The following PIEZO1 variants were observed in gnomAD, a reference collection of about 807,000 sequenced individuals.
The protein encoded by PIEZO1 is piezo type mechanosensitive ion channel component 1 (Er blood group).
A neutral mutation model predicts 297.2 loss-of-function variants in PIEZO1; 296 were observed. The observed-to-expected ratio is 1.00, with a 90% confidence interval of 0.91 to 1.10. The LOEUF (loss-of-function observed/expected upper bound fraction) is 1.10, where lower values mean the gene tolerates loss of function less well. Among genes scored for constraint, PIEZO1 ranks in the 50% least tolerant of loss-of-function variants. PIEZO1 has a pLI of 0.00. For synonymous variants in PIEZO1, 2,427 were observed against 1,507.5 expected (o/e 1.61, Z -14.13); for missense variants, 5,018 against 3,455.5 (o/e 1.45, Z -11.34).
rs1193640325 is a variant in PIEZO1 at position 88,746,568 on chromosome 16, G to A, written c.160+2816C>T. Among the ~76,000 whole-genome samples, 4 of 152,174 alleles carry A rather than the reference G, an allele frequency of 2.6e-5. No individual in the cohort carries two copies. The South Asian group carries it at 8.3e-4, about 31-fold the overall frequency. Reference sequence around the variant, plus strand: ...GGACCAAGGCTCAGATGGCGTCAGAGCTTCCACCAGGGCCACGCCAAGCCC... The same window carrying A: ...GGACCAAGGCTCAGATGGCGTCAGAACTTCCACCAGGGCCACGCCAAGCCC... On this transcript the variant is annotated intron_variant, in intron 2 of 50. Coordinates refer to ENST00000301015, the MANE Select transcript of PIEZO1 (RefSeq NM_001142864.4).
chr16:88,784,783 A>C, intron 1 of PIEZO1, 118 bp downstream of exon 1: 6 of 694,268 alleles, frequency 8.6e-6, no homozygotes, highest in Admixed American at 4.7e-5. Flanking sequence ...GTCCCTGGGA[A>C]TTTCCGCGCC....
In PIEZO1 at chr16:88,735,137, G is replaced by C. The variant is rs1340503603; in HGVS notation, c.1667C>G (p.Thr556Arg). Residue 556 changes from threonine (T) to arginine (R), a missense_variant and splice_region_variant, in exon 13 of 51, where the codon ACA becomes AGA. Coordinates refer to ENST00000301015, the MANE Select transcript of PIEZO1 (RefSeq NM_001142864.4). The stretch of plus-strand genomic sequence containing the variant: ...CCCGCCTCTGGCCCACCACTCACCT[G>C]TGTCTGCCACGGTGACCTCCGTCAG... Reference protein sequence around the residue: ...AALTEVTVADTEPTRTQTLLQ... With the variant: ...AALTEVTVADREPTRTQTLLQ... 1 of 1,549,650 alleles carries C rather than the reference G, an allele frequency of 6.5e-7. No homozygotes were observed. Among genetic ancestry groups the C allele is most frequent in the Admixed American group, 2.0e-5 (1 of 51,012 alleles).
chr16:88,734,548 G>A lies in PIEZO1; in HGVS notation c.1998-10C>T, dbSNP rs74033378. The A allele has an allele frequency of 3.7e-4, 571 of 1,542,538 alleles. 2 individuals are homozygous for A. In the African/African-American group the frequency reaches 7.0e-3, roughly 19 times the overall value. On this transcript the variant is annotated splice_polypyrimidine_tract_variant and intron_variant, in intron 15 of 50. Coordinates refer to ENST00000301015, the MANE Select transcript of PIEZO1 (RefSeq NM_001142864.4). ...GCCCAGGTCCCCCAGCCTGTGGAGGGGCAGCATCAGCACCGGCCCGGCCCC... is the reference window on the plus strand; with the variant it reads ...GCCCAGGTCCCCCAGCCTGTGGAGGAGCAGCATCAGCACCGGCCCGGCCCC...
chr16:88,772,491 C>T (rs942032721), intron 1 of PIEZO1, among the ~76,000 whole-genome samples: 4 of 152,158 alleles, frequency 2.6e-5, no homozygotes, highest in Non-Finnish European at 5.9e-5. Context: ...ATAAAAAGGC[C>T]CGTGCCTGGC....
In PIEZO1 at chr16:88,722,254, C is replaced by T. The variant is rs1003350308; in HGVS notation, c.4919G>A (p.Gly1640Glu). The T allele has an allele frequency of 1.4e-5, 21 of 1,548,178 alleles. No individual in the cohort carries two copies. Among genetic ancestry groups the T allele is most frequent in the Non-Finnish European group, 1.7e-5 (20 of 1,146,830 alleles). ...CAGCTCGCTGGCCGTCCGCATCAGT[C>T]CCTGGTACAGAGAGGCACCAGCCTC... ...EREAGASLYQ[G>E]LMRTASELLL... The change falls in exon 36 of 51, where the codon GGA (glycine) becomes GAA (glutamate). Residue 1640 changes from glycine to glutamate, a missense_variant. Transcript: ENST00000301015.
At position 88,738,574 on chromosome 16, in the gene PIEZO1, G is replaced by C; in HGVS notation, c.628C>G (p.Leu210Val). 2.0e-6 allele frequency: 3 copies of C among 1,535,218 alleles called. No individual in the cohort carries two copies. Among genetic ancestry groups the C allele is most frequent in the Non-Finnish European group, 2.6e-6 (3 of 1,146,464 alleles). ...GRVLAVTLLA[L>V]AGIAHPSALS... Reference sequence around the variant, plus strand: ...CCCCTGCCTCGGTGCGTACCTGCCAGTGCAAGCAGTGTTACGGCCAGGACC... The same window carrying C: ...CCCCTGCCTCGGTGCGTACCTGCCACTGCAAGCAGTGTTACGGCCAGGACC... The change falls in exon 6 of 51, where the codon CTG (leucine) becomes GTG (valine). Residue 210 changes from leucine to valine, a missense_variant. Physicochemically the swap from Leu to Val is conservative, Grantham distance 32. Coordinates refer to ENST00000301015, the MANE Select transcript of PIEZO1 (RefSeq NM_001142864.4).
intron 1 of PIEZO1, among the ~76,000 whole-genome samples, chr16:88,783,889 G>T (rs1374915486): frequency 6.6e-6 from 1 of 152,230 alleles, no homozygotes; most frequent in African/African-American, 2.4e-5. Flanking sequence ...CTGGAGCGAG[G>T]CAAGGGCTCC....
In PIEZO1 at chr16:88,732,491, C is replaced by T. The variant is rs753632315; in HGVS notation, c.2835G>A (p.Val945=). Residue 945 remains valine, a synonymous_variant, in exon 21 of 51, where the codon GTG becomes GTA. Coordinates refer to ENST00000301015, the MANE Select transcript of PIEZO1 (RefSeq NM_001142864.4). ...GGCGGTAGTGCTCCTGGCGCCGGTA[C>T]ACGATGGCCTCGAATACCAGCAGCA... The part of the protein sequence containing the change: ...VLLLLVFEAI[V]YRRQEHYRRQ... 41 of 1,548,688 alleles carry T rather than the reference C, an allele frequency of 2.6e-5. No individual in the cohort carries two copies. The highest frequency in any genetic ancestry group is 2.2e-4 in the African/African-American group (16 of 73,000).
intron 1 of PIEZO1, among the ~76,000 whole-genome samples, chr16:88,780,935 C>T (rs56825100): frequency 0.23 from 34,547 of 152,216 alleles, 3,959 homozygotes; most frequent in Middle Eastern, 0.35. Flanking sequence ...CCAGCCTGGG[C>T]GACAGAGTGA....
chr16:88,741,304 G>A, intron 5 of PIEZO1, 174 bp downstream of exon 5: 2 of 605,860 alleles, frequency 3.3e-6, no homozygotes, highest in East Asian at 2.9e-5. Flanking sequence ...CTGAACGGAT[G>A]GAACTGCAGG....
At chr16:88,744,539 G>A (rs1003020050) in intron 2 of PIEZO1, among the ~76,000 whole-genome samples, 2 of 151,580 alleles carry the variant, frequency 1.3e-5, no homozygotes, top group Non-Finnish European at 2.9e-5. Context: ...TGGGCAGGGA[G>A]GGGCTCTCAG....
In PIEZO1 at chr16:88,727,558, G is replaced by A; in HGVS notation, c.3300C>T (p.Ile1100=). 2 of 1,396,586 alleles carry A rather than the reference G, an allele frequency of 1.4e-6. No homozygotes were observed. The highest frequency in any genetic ancestry group is 2.0e-6 in the Non-Finnish European group (2 of 1,019,914). The allele number at this position is 1,396,586 out of a possible 1,614,324, so 86.5% of individuals were successfully genotyped here. ...FFRAPNSTNL[I]SDFLLLLCAS... The stretch of plus-strand genomic sequence containing the variant: ...GCGGGGGTGGTGGGGGGCACTCACT[G>A]ATGAGGTTGGTGGAGTTGGGGGCCC... Residue 1100 remains isoleucine, a splice_region_variant and synonymous_variant, in exon 23 of 51, where the codon ATC becomes ATT. Transcript: ENST00000301015.
At position 88,732,588 on chromosome 16, in the gene PIEZO1, CA is replaced by C; in HGVS notation, c.2790+18del. ...CCGGGTACTCGCCCGCCCAGCCGCC[CA>C]CCAGCCCTTCAACTCACCTGGATGT... On this transcript the variant is annotated intron_variant, in intron 20 of 50. Coordinates refer to ENST00000301015, the MANE Select transcript of PIEZO1 (RefSeq NM_001142864.4). 1 of 1,545,280 alleles carries C rather than the reference CA, an allele frequency of 6.5e-7. No individual in the cohort carries two copies. The highest frequency in any genetic ancestry group is 8.7e-7 in the Non-Finnish European group (1 of 1,143,222).
chr16:88,734,827 C>A (rs1401683406), intron 14 of PIEZO1, 29 bp from the exon 15 acceptor site: 1 of 1,550,194 alleles, frequency 6.5e-7, no homozygotes, highest in Middle Eastern at 1.7e-4. Context: ...GTGGTGAGGA[C>A]CGCGGGGAGG....
Position 88,760,042 on chromosome 16 carries a change from C to A in PIEZO1, c.65-10563G>T, listed in dbSNP as rs900121361. Among the ~76,000 whole-genome samples, 14 of 129,518 alleles carry A rather than the reference C, an allele frequency of 1.1e-4. No homozygotes were observed. In the South Asian group the frequency reaches 1.4e-3, roughly 13 times the overall value. The allele number at this position is 129,518 out of a possible 152,430, so 85.0% of individuals were successfully genotyped here. A position where few individuals can be genotyped will look rare whatever the true frequency, so the allele number is the denominator to read the frequency against. ...TCCGCGCCAATCCCCACCTGCCCCT[C>A]AAAGGCCCCAGCGGACGTGACACCT... On this transcript the variant is annotated intron_variant, in intron 1 of 50. Transcript: ENST00000301015.
chr16:88,741,285 G>C, intron 5 of PIEZO1, 193 bp downstream of exon 5: 1 of 546,406 alleles, frequency 1.8e-6, no homozygotes, highest in Non-Finnish European at 3.2e-6. Context: ...AGCCCGAGTA[G>C]AAACAGGTCT....
chr16:88,766,396 A>G (rs1907182196), intron 1 of PIEZO1, among the ~76,000 whole-genome samples: 1 of 152,184 alleles, frequency 6.6e-6, no homozygotes, highest in Non-Finnish European at 1.5e-5. Context: ...ACAGCCCCAC[A>G]ATCGCGTGCG....
At position 88,726,535 on chromosome 16, in the gene PIEZO1, C is replaced by T; in HGVS notation, c.3796+12G>A. 6.5e-7 allele frequency: 1 copy of T among 1,548,554 alleles called. No homozygotes were observed. Among genetic ancestry groups the T allele is most frequent in the South Asian group, 1.2e-5 (1 of 84,036 alleles). Reference sequence around the variant, plus strand: ...CCCCACGCCCTCCCCCGCCACCGTCCTGGCCACTCACGGTCATAGTAGCCC... The same window carrying T: ...CCCCACGCCCTCCCCCGCCACCGTCTTGGCCACTCACGGTCATAGTAGCCC... On this transcript the variant is annotated intron_variant, in intron 26 of 50. Transcript: ENST00000301015.
chr16:88,776,111 AC>A (rs1425996558), intron 1 of PIEZO1, among the ~76,000 whole-genome samples: 2 of 151,120 alleles, frequency 1.3e-5, no homozygotes, highest in Non-Finnish European at 3.0e-5. Flanking sequence ...GCCACCCAGG[AC>A]CCGAGATCCC....
Sources: gnomAD v4.1 joint callset for allele counts (sites outside exome capture counted in the v4.1 genomes callset) on GRCh38, gnomAD v4.1.1 for gene constraint, MANE v1.5 for transcripts, NCBI Gene and HGNC (gene_info 2026-07-23, HGNC 2026-07-21) for gene names.